The following KCNAB2 variants were observed in gnomAD, a reference collection of about 807,000 sequenced individuals.
KCNAB2 encodes the protein potassium voltage-gated channel subfamily A regulatory beta subunit 2.
In KCNAB2, 29 loss-of-function variants were observed where a neutral mutation model predicts 63.6. The observed-to-expected ratio is 0.46, with a 90% CI of 0.34 to 0.62. KCNAB2 has a LOEUF of 0.62. Among genes scored for constraint, KCNAB2 ranks in the 20% least tolerant of loss-of-function variants. The pLI is 0.01. For synonymous variants in KCNAB2, 222 were observed against 224.2 expected, an observed-to-expected ratio of 0.99 and a Z score of 0.09; for missense variants, 359 against 563.9, an observed-to-expected ratio of 0.64 and a Z score of 3.68.
At chr1:6,027,219 A>AGTGTGTGT (rs70981306) in intron 1 of KCNAB2, 6 of 141,430 alleles carry the variant, frequency 4.2e-5, no homozygotes, top group East Asian at 4.3e-4. Context: ...TGGGGGACAC[A>AGTGTGTGT]GTGTGTGTGT....
intron 1 of KCNAB2, among the ~76,000 whole-genome samples, chr1:6,020,111 C>T (rs1361778398): frequency 6.6e-6 from 1 of 152,194 alleles, no homozygotes; most frequent in Non-Finnish European, 1.5e-5. Flanking sequence ...TGCTCGGAGG[C>T]TTCACGACAT....
intron 10 of KCNAB2, among the ~76,000 whole-genome samples, chr1:6,093,396 GT>G (rs1665351678): frequency 1.3e-5 from 2 of 152,228 alleles, no homozygotes; most frequent in Admixed American, 1.3e-4. Context: ...GCCAAGTTCT[GT>G]TTTTAAAATC....
intron 4 of KCNAB2, among the ~76,000 whole-genome samples, chr1:6,075,254 C>T (rs1663564067): frequency 1.3e-5 from 2 of 152,156 alleles, no homozygotes; most frequent in African/African-American, 2.4e-5. Context: ...CCTGTATGTC[C>T]TTGTGGGAAA....
intron 2 of KCNAB2, among the ~76,000 whole-genome samples, chr1:6,058,864 G>A (rs1019540866): frequency 2.6e-5 from 4 of 152,246 alleles, no homozygotes; most frequent in Admixed American, 2.0e-4. Context: ...CCAGGACCAC[G>A]GCTGGCAGCT....
At chr1:6,019,445 C>T (rs1386131123) in intron 1 of KCNAB2, among the ~76,000 whole-genome samples, 3 of 152,194 alleles carry the variant, frequency 2.0e-5, no homozygotes, top group South Asian at 4.1e-4. Flanking sequence ...GCTGGCCAGC[C>T]GGTGTGCAGT....
At chr1:6,091,165 G>A (rs751017244) in intron 9 of KCNAB2, 98 bp from the exon 10 acceptor site, 9 of 830,386 alleles carry the variant, frequency 1.1e-5, no homozygotes, top group East Asian at 5.3e-5. Flanking sequence ...TGTTCTGCAC[G>A]GTGATTTGTG....
At chr1:6,009,888 T>TC (rs1245085082) in intron 1 of KCNAB2, among the ~76,000 whole-genome samples, 39 of 137,276 alleles carry the variant, frequency 2.8e-4, no homozygotes, top group Non-Finnish European at 3.4e-4. Context: ...TTTTTTTTTT[T>TC]CCGACAGGGT....
At chr1:6,010,216 G>C (rs150067198) in intron 1 of KCNAB2, among the ~76,000 whole-genome samples, 22 of 152,064 alleles carry the variant, frequency 1.4e-4, no homozygotes, top group African/African-American at 4.8e-4. Flanking sequence ...TTTTTAGTTA[G>C]TTAAACTTAT....
intron 5 of KCNAB2, among the ~76,000 whole-genome samples, chr1:6,083,216 G>C (rs1042501592): frequency 1.3e-5 from 2 of 152,306 alleles, no homozygotes; most frequent in Non-Finnish European, 2.9e-5. Flanking sequence ...CCAGACAGAT[G>C]AGCCCAGCGG....
In KCNAB2 at chr1:6,090,484, T is replaced by A; in HGVS notation, c.601+9T>A. 6.2e-7 allele frequency: 1 copy of A among 1,609,670 alleles called. No homozygotes were observed. Among genetic ancestry groups the A allele is most frequent in the Non-Finnish European group, 8.5e-7 (1 of 1,176,814 alleles). On this transcript the variant is annotated intron_variant, in intron 9 of 15. Transcript: ENST00000378083. ...CAACACCCCGATGGAAGGTAGGTGGTCTGCGGCGGCGCCACCGGTTAGGCC... is the reference window on the plus strand; with the variant it reads ...CAACACCCCGATGGAAGGTAGGTGGACTGCGGCGGCGCCACCGGTTAGGCC...
intron 5 of KCNAB2, 140 bp from the exon 6 acceptor site, chr1:6,085,064 G>A: frequency 1.2e-6 from 1 of 825,458 alleles, no homozygotes; most frequent in South Asian, 1.5e-5. Context: ...GAGCTACTGA[G>A]CCAAGGCGGG....
intron 1 of KCNAB2, among the ~76,000 whole-genome samples, chr1:6,006,843 C>T (rs2100241777): frequency 6.6e-6 from 1 of 151,154 alleles, no homozygotes. Context: ...AATCTTTCCC[C>T]TCAACTTCTT....
In KCNAB2 at chr1:6,096,671, G is replaced by A. The variant is rs748475055; in HGVS notation, c.984G>A (p.Glu328=). ...YQWLKDKILS[E]EGRRQQAKLK... is the part of the protein sequence containing the mutation. ...GGCTGAAGGACAAGATCCTCAGTGA[G>A]GAGGGCCGGCGCCAGCAAGCCAAGC... Residue 328 remains glutamate (E), a synonymous_variant, in exon 14 of 16, where the codon GAG becomes GAA. Transcript: ENST00000378083. The surrounding 1 kb of genome is among the most constrained non-coding windows in gnomAD (Gnocchi z 5.9). 5.0e-6 allele frequency: 8 copies of A among 1,609,704 alleles called. No individual in the cohort carries two copies. The highest frequency in any genetic ancestry group is 6.8e-6 in the Non-Finnish European group (8 of 1,178,952).
At chr1:6,068,508 T>C (rs1662935986) in intron 2 of KCNAB2, among the ~76,000 whole-genome samples, 1 of 152,162 alleles carries the variant, frequency 6.6e-6, no homozygotes. Flanking sequence ...AACACCGCCT[T>C]ATACCTGGCC....
chr1:6,009,697 G>A (rs1176829653), intron 1 of KCNAB2, among the ~76,000 whole-genome samples: 1 of 152,184 alleles, frequency 6.6e-6, no homozygotes, highest in Non-Finnish European at 1.5e-5. Flanking sequence ...CCTTCGAGGA[G>A]TTGGGGGATG....
intron 2 of KCNAB2, among the ~76,000 whole-genome samples, chr1:6,070,017 C>T (rs1557479216): frequency 6.6e-6 from 1 of 152,186 alleles, no homozygotes; most frequent in Non-Finnish European, 1.5e-5. Flanking sequence ...CCAAGGGGTG[C>T]CTCTTCTCTT....
chr1:6,042,843 A>ACCG (rs1660611217), upstream of KCNAB2, among the ~76,000 whole-genome samples: 2 of 29,028 alleles, frequency 6.9e-5, no homozygotes, highest in Admixed American at 4.0e-4. Flanking sequence ...CCCACTCCCC[A>ACCG]CCCCCCCCCC....
upstream of KCNAB2, among the ~76,000 whole-genome samples, chr1:6,031,290 G>A (rs116086731): frequency 2.1e-3 from 326 of 152,244 alleles, 2 homozygotes; most frequent in African/African-American, 7.7e-3. The surrounding 1 kb of genome is among the most constrained non-coding windows in gnomAD (Gnocchi z 4.1). Context: ...GCTCCGACAG[G>A]GTACAGATTC....
At chr1:6,004,308 G>A (rs571851166) in intron 1 of KCNAB2, among the ~76,000 whole-genome samples, 5 of 150,942 alleles carry the variant, frequency 3.3e-5, no homozygotes, top group East Asian at 2.0e-4. Flanking sequence ...TGATCCTCCC[G>A]CCTTGGCCTC....
Sources: gnomAD v4.1 joint callset for allele counts (sites outside exome capture counted in the v4.1 genomes callset) on GRCh38, gnomAD v4.1.1 for gene constraint, Gnocchi (gnomAD v3.1) non-coding constraint, MANE v1.5 for transcripts, NCBI Gene and HGNC (gene_info 2026-07-23, HGNC 2026-07-21) for gene names.